The following MACROD2 variants were observed in gnomAD, a reference collection of about 807,000 sequenced individuals.
MACROD2 encodes mono-ADP ribosylhydrolase 2.
Under a neutral mutation model 70.4 loss-of-function variants are expected in MACROD2, and 36 were observed. The observed-to-expected ratio is 0.51, with a 90% CI of 0.39 to 0.68. The LOEUF (loss-of-function observed/expected upper bound fraction) is 0.68, where lower values mean the gene tolerates loss of function less well. Among genes scored for constraint, MACROD2 ranks in the 30% least tolerant of loss-of-function variants. The pLI is 0.00. For synonymous variants in MACROD2, 172 were observed against 178.8 expected (o/e 0.96, Z 0.30); for missense variants, 496 against 538.4 (o/e 0.92, Z 0.78).
intron 3 of MACROD2, among the ~76,000 whole-genome samples, chr20:14,095,623 A>G (rs913386666): frequency 6.6e-6 from 1 of 152,190 alleles, no homozygotes; most frequent in African/African-American, 2.4e-5. Context: ...CCATCTATCT[A>G]TATTAAATAT....
intron 10 of MACROD2, among the ~76,000 whole-genome samples, chr20:15,914,404 G>A (rs929915035): frequency 2.0e-5 from 3 of 152,188 alleles, no homozygotes; most frequent in Non-Finnish European, 1.5e-5. Context: ...ATGAACCTAA[G>A]GCAGTTGGGC....
chr20:15,968,865 A>C (rs1469453398), intron 13 of MACROD2, among the ~76,000 whole-genome samples: 1 of 147,502 alleles, frequency 6.8e-6, no homozygotes, highest in Admixed American at 6.8e-5. Context: ...GGAGAGAGAG[A>C]GAGAGACTGT....
chr20:16,003,523 G>C (rs1002969086), intron 15 of MACROD2, among the ~76,000 whole-genome samples: 14 of 152,194 alleles, frequency 9.2e-5, no homozygotes, highest in African/African-American at 3.4e-4. Flanking sequence ...AGTAACCCTA[G>C]CTCCAGCAGG....
intron 5 of MACROD2, among the ~76,000 whole-genome samples, chr20:14,989,679 G>A (rs753246409): frequency 4.6e-5 from 7 of 152,050 alleles, no homozygotes; most frequent in East Asian, 1.9e-4. Flanking sequence ...CTGTCATAGC[G>A]CTGGTGGGTG....
chr20:14,839,044 C>T (rs559671331), intron 5 of MACROD2, among the ~76,000 whole-genome samples: 62 of 152,096 alleles, frequency 4.1e-4, no homozygotes, highest in African/African-American at 1.5e-3. Context: ...GGCCTAATGA[C>T]CTTGGGAACG....
chr20:14,379,918 C>T (rs1315100078), intron 3 of MACROD2, among the ~76,000 whole-genome samples: 2 of 152,084 alleles, frequency 1.3e-5, no homozygotes, highest in East Asian at 1.9e-4. Flanking sequence ...TGGCAACGCA[C>T]ATTATTGTAC....
At chr20:15,832,252 A>G (rs1021281178) in intron 8 of MACROD2, among the ~76,000 whole-genome samples, 1 of 152,156 alleles carries the variant, frequency 6.6e-6, no homozygotes, top group South Asian at 2.1e-4. Flanking sequence ...TAGAAATAAG[A>G]GAGGGAGACA....
At chr20:14,881,300 C>T (rs1011633199) in intron 5 of MACROD2, among the ~76,000 whole-genome samples, 2 of 149,776 alleles carry the variant, frequency 1.3e-5, no homozygotes, top group African/African-American at 4.9e-5. Context: ...ATATCAAATA[C>T]TGTGACTCAA....
At chr20:15,384,684 T>C (rs1439946277) in intron 6 of MACROD2, among the ~76,000 whole-genome samples, 1 of 152,196 alleles carries the variant, frequency 6.6e-6, no homozygotes, top group East Asian at 1.9e-4. Context: ...ATGAAAATAG[T>C]GTATTTATAT....
intron 4 of MACROD2, among the ~76,000 whole-genome samples, chr20:14,563,082 T>C (rs1299957146): frequency 1.3e-5 from 2 of 151,818 alleles, no homozygotes; most frequent in African/African-American, 4.8e-5. Context: ...ACCTTACCAT[T>C]GCAGGAGTAG....
At chr20:15,368,201 T>C (rs1164969884) in intron 6 of MACROD2, among the ~76,000 whole-genome samples, 1 of 152,166 alleles carries the variant, frequency 6.6e-6, no homozygotes, top group East Asian at 1.9e-4. Context: ...TGGGAACTTC[T>C]TAGGAATGCA....
chr20:14,162,137 T>A (rs942057775), intron 3 of MACROD2, among the ~76,000 whole-genome samples: 1 of 152,234 alleles, frequency 6.6e-6, no homozygotes, highest in Non-Finnish European at 1.5e-5. Context: ...GAGTGGTCAT[T>A]CAGTAGCACG....
chr20:14,077,003 G>A (rs938042712), intron 2 of MACROD2, among the ~76,000 whole-genome samples: 26 of 152,054 alleles, frequency 1.7e-4, no homozygotes, highest in African/African-American at 6.0e-4. Flanking sequence ...ACTTTTTTAG[G>A]TTTTTGCTTT....
At chr20:14,160,150 T>C (rs1289663496) in intron 3 of MACROD2, among the ~76,000 whole-genome samples, 4 of 152,190 alleles carry the variant, frequency 2.6e-5, no homozygotes, top group Non-Finnish European at 5.9e-5. Flanking sequence ...CTTTTACCTC[T>C]ATGTTCATTA....
intron 15 of MACROD2, among the ~76,000 whole-genome samples, chr20:15,990,084 G>C (rs2066537851): frequency 6.6e-6 from 1 of 152,012 alleles, no homozygotes; most frequent in African/African-American, 2.4e-5. Flanking sequence ...CATGTCCCTG[G>C]GAGACCTGAA....
intron 5 of MACROD2, among the ~76,000 whole-genome samples, chr20:14,725,863 C>A (rs1156536827): frequency 1.3e-5 from 2 of 151,950 alleles, no homozygotes; most frequent in Admixed American, 1.3e-4. Flanking sequence ...CTATATGGGC[C>A]AAGAAAAAGC....
chr20:15,593,479 C>T (rs1192775382), intron 8 of MACROD2, among the ~76,000 whole-genome samples: 2 of 152,174 alleles, frequency 1.3e-5, no homozygotes, highest in Admixed American at 6.5e-5. Flanking sequence ...TTGTAAACTA[C>T]CCTCATAACA....
intron 6 of MACROD2, among the ~76,000 whole-genome samples, chr20:15,296,858 A>G (rs2077594471): frequency 1.3e-5 from 2 of 152,262 alleles, no homozygotes; most frequent in South Asian, 2.1e-4. Flanking sequence ...CTGGCACCAT[A>G]TATTCCTGCA....
At chr20:14,999,104 A>T (rs2074973364) in intron 5 of MACROD2, among the ~76,000 whole-genome samples, 1 of 152,238 alleles carries the variant, frequency 6.6e-6, no homozygotes, top group South Asian at 2.1e-4. Context: ...GAGGGATTTC[A>T]TCAACAGCAG....
Sources: allele counts gnomAD v4.1 joint callset (sites outside exome capture counted in the v4.1 genomes callset), GRCh38; gene constraint gnomAD v4.1.1; transcripts MANE v1.5; gene names NCBI Gene and HGNC (gene_info 2026-07-23, HGNC 2026-07-21).